Variants in RPL26 observed in about 807,000 individuals in gnomAD.
RPL26 encodes large ribosomal subunit protein uL24.
RPL26 carries 1 observed loss-of-function variant against 16.2 expected under a neutral mutation model. The ratio of observed to expected loss-of-function variants is 0.06; its 90% CI spans 0.02 to 0.29. The LOEUF is 0.29. Among genes scored for constraint, RPL26 ranks in the 10% least tolerant of loss-of-function variants. The probability of loss-of-function intolerance (pLI) is 1.00; values close to 1 mark genes in which losing one functional copy is unlikely to be tolerated. For missense variants in RPL26, 102 were observed against 184.3 expected (o/e 0.55, Z 2.58); for synonymous variants, 55 against 62.4 (o/e 0.88, Z 0.56).
chr17:8,380,181 G>A, intron 2 of RPL26: 1 of 418,376 alleles, frequency 2.4e-6, no homozygotes, highest in Non-Finnish European at 4.2e-6. Flanking sequence ...CTAGTCAGAG[G>A]GCAGCAACAA....
intron 3 of RPL26, chr17:8,379,464 C>T: frequency 2.3e-6 from 1 of 441,280 alleles, no homozygotes; most frequent in Non-Finnish European, 4.0e-6. Context: ...CACAGCTACA[C>T]TCAGGAGGCT....
At chr17:8,381,357 G>C (rs1400495107) in intron 2 of RPL26, 1 of 152,128 alleles carries the variant, frequency 6.6e-6, no homozygotes, top group African/African-American at 2.4e-5. Context: ...GGCTCTATCT[G>C]GACAGCAGGC....
chr17:8,377,793 T>C (rs1907216361), intron 3 of RPL26, 101 bp from the exon 4 acceptor site: 1 of 1,046,210 alleles, frequency 9.6e-7, no homozygotes, highest in Non-Finnish European at 1.3e-6. Context: ...CTGGGGTAGG[T>C]GGATGCCTAA....
intron 3 of RPL26, among the ~76,000 whole-genome samples, chr17:8,378,700 G>A (rs139709065): frequency 2.5e-4 from 38 of 152,282 alleles, no homozygotes; most frequent in African/African-American, 8.4e-4. Context: ...AGGAAAGGGT[G>A]AAAAGAGGTG....
chr17:8,380,113 AAGC>A, intron 2 of RPL26, 177 bp from the exon 3 acceptor site: 1 of 578,600 alleles, frequency 1.7e-6, no homozygotes, highest in African/African-American at 1.9e-5. Context: ...TCCATCTCAA[AAGC>A]AGCAACAGAC....
intron 3 of RPL26, 94 bp downstream of exon 3, chr17:8,379,702 T>C (rs1907324513): frequency 1.3e-5 from 15 of 1,175,374 alleles, no homozygotes; most frequent in Admixed American, 2.3e-5. Context: ...ACATGTAAAA[T>C]CAAGGACTAT....
At chr17:8,380,069 A>G in intron 2 of RPL26, 133 bp from the exon 3 acceptor site, 1 of 670,966 alleles carries the variant, frequency 1.5e-6, no homozygotes, top group Non-Finnish European at 2.5e-6. Context: ...CACTTCGGCA[A>G]CCTGTAAGAA....
chr17:8,378,761 CAT>C (rs1365514224), intron 3 of RPL26, among the ~76,000 whole-genome samples: 1 of 152,178 alleles, frequency 6.6e-6, no homozygotes, highest in Non-Finnish European at 1.5e-5. Flanking sequence ...TCACTGAACT[CAT>C]ATTCTAGTAT....
chr17:8,379,707 G>A (rs1907324732), intron 3 of RPL26, 89 bp downstream of exon 3: 1 of 1,210,230 alleles, frequency 8.3e-7, no homozygotes, highest in African/African-American at 1.5e-5. Flanking sequence ...TAAAATCAAG[G>A]ACTATTTCTA....
chr17:8,381,971 T>C (rs1567706209), intron 2 of RPL26, 172 bp downstream of exon 2: 11 of 570,814 alleles, frequency 1.9e-5, no homozygotes, highest in Non-Finnish European at 2.5e-5. Context: ...AATAATACAA[T>C]TAAAAACTGA....
intron 2 of RPL26, among the ~76,000 whole-genome samples, chr17:8,381,509 G>A (rs1907407208): frequency 6.6e-6 from 1 of 152,124 alleles, no homozygotes; most frequent in African/African-American, 2.4e-5. Context: ...AGGAGTTGGA[G>A]ACCAATCTGG....
intron 2 of RPL26, chr17:8,381,861 G>A (rs556211069): frequency 1.1e-5 from 3 of 271,444 alleles, no homozygotes; most frequent in East Asian, 2.7e-4. Flanking sequence ...CCCGGGAGGC[G>A]AAGGTTGCAG....
At chr17:8,379,976 G>C (rs545765790) in intron 2 of RPL26, 40 bp from the exon 3 acceptor site, 2 of 1,538,316 alleles carry the variant, frequency 1.3e-6, no homozygotes, top group Non-Finnish European at 1.8e-6. Context: ...TTGAATAAAA[G>C]ATTAACCTTG....
chr17:8,379,874 T>A lies in RPL26; in HGVS notation c.231A>T (p.Lys77Asn), dbSNP rs367838262. The A allele has an allele frequency of 2.5e-5, 41 of 1,613,770 alleles. No homozygotes were observed. Among genetic ancestry groups the A allele is most frequent in the Non-Finnish European group, 3.1e-5 (36 of 1,179,668 alleles). ...IGKVVQVYRK[K>N]YVIYIERVQR... ...GCACCCGTTCAATGTAGATAACATA[T>A]TTCTTCCTGTAAACCTGGACTACTT... The change falls in exon 3 of 4, where the codon AAA (lysine) becomes AAT (asparagine). Residue 77 changes from lysine (K) to asparagine (N), a missense_variant. Lys to Asn is a moderately conservative substitution (Grantham distance 94). Coordinates refer to ENST00000648839, the MANE Select transcript of RPL26 (RefSeq NM_000987.5).
chr17:8,379,056 C>T (rs1038377673), intron 3 of RPL26: 1 of 152,272 alleles, frequency 6.6e-6, no homozygotes, highest in East Asian at 1.9e-4. Flanking sequence ...GTCATAAGCC[C>T]TAATTTTGCC....
rs763744499 is a variant in RPL26 at position 8,379,780 on chromosome 17, T to C, written c.309+16A>G. On this transcript the variant is annotated intron_variant, in intron 3 of 3. Coordinates refer to ENST00000648839, the MANE Select transcript of RPL26 (RefSeq NM_000987.5). ...GCCATAATTTCCTTCTCTCAAGCAT[T>C]CTCAAAAACACCTACCTTGCTGGGG... The C allele has an allele frequency of 1.2e-6, 2 of 1,610,070 alleles. No homozygotes were observed. Among genetic ancestry groups the C allele is most frequent in the Non-Finnish European group, 1.7e-6 (2 of 1,178,280 alleles).
rs1214439148 is a variant in RPL26, at chr17:8,381,736, T to TG, written c.168+406dup. ...TGACGCCATGAGTTCGAGACCACCCTGCCCAACATGGTGAAACCCCGCCTC... is the reference window on the plus strand; with the variant it reads ...TGACGCCATGAGTTCGAGACCACCCTGGCCCAACATGGTGAAACCCCGCCTC... On this transcript the variant is annotated intron_variant, in intron 2 of 3. Transcript: ENST00000648839. 31 of 212,162 alleles carry TG rather than the reference T, an allele frequency of 1.5e-4. No individual in the cohort carries two copies. The Admixed American group carries it at 1.5e-3, about 10-fold the overall frequency. 13.1% of individuals were successfully genotyped at this position (212,162 alleles called of 1,614,324 possible). A position where few individuals can be genotyped will look rare whatever the true frequency, so the allele number is the denominator to read the frequency against.
intron 2 of RPL26, chr17:8,381,790 G>C (rs571791153): frequency 9.2e-6 from 2 of 217,520 alleles, no homozygotes; most frequent in South Asian, 5.4e-5. Flanking sequence ...TAGCCGAGCC[G>C]TGGTGGCGGG....
At chr17:8,379,622 A>G (rs998619511) in intron 3 of RPL26, 174 bp downstream of exon 3, 2 of 617,624 alleles carry the variant, frequency 3.2e-6, no homozygotes, top group African/African-American at 3.7e-5. Context: ...GATGTCAGAA[A>G]CATTTTAAAT....
Sources: gnomAD v4.1 joint callset for allele counts (sites outside exome capture counted in the v4.1 genomes callset) on GRCh38, gnomAD v4.1.1 for gene constraint, MANE v1.5 for transcripts, NCBI Gene and HGNC (gene_info 2026-07-23, HGNC 2026-07-21) for gene names.